Variants in MCU observed in about 807,000 individuals in gnomAD.
The protein encoded by MCU is calcium uniporter protein, mitochondrial.
A neutral mutation model predicts 45.2 loss-of-function variants in MCU; 12 were observed. The observed-to-expected ratio is 0.27, with a 90% CI of 0.17 to 0.43. The LOEUF (loss-of-function observed/expected upper bound fraction) is 0.43, where lower values mean the gene tolerates loss of function less well. Ranked by LOEUF, MCU falls within the 20% of genes least tolerant of loss-of-function variation. MCU has a pLI of 1.00. For synonymous variants in MCU, 160 were observed against 165.1 expected, an observed-to-expected ratio of 0.97 and a Z score of 0.24; for missense variants, 324 against 436.7, an observed-to-expected ratio of 0.74 and a Z score of 2.30.
intron 6 of MCU, among the ~76,000 whole-genome samples, chr10:72,880,428 C>G (rs1174673602): frequency 6.6e-6 from 1 of 150,500 alleles, no homozygotes; most frequent in East Asian, 2.0e-4. Flanking sequence ...TTTAAAGCTG[C>G]ACCTTAAAAT....
intron 1 of MCU, among the ~76,000 whole-genome samples, chr10:72,699,104 CTT>C (rs1338902881): frequency 6.6e-6 from 1 of 152,108 alleles, no homozygotes; most frequent in Non-Finnish European, 1.5e-5. Context: ...TGCCCGGACT[CTT>C]TATTCTTTGA....
intron 1 of MCU, among the ~76,000 whole-genome samples, chr10:72,722,184 G>C (rs1790314140): frequency 6.6e-6 from 1 of 151,894 alleles, no homozygotes; most frequent in African/African-American, 2.4e-5. Context: ...AGAAAAAGCT[G>C]TGGGCACTTA....
chr10:72,873,079 C>T (rs1418915369), intron 6 of MCU, among the ~76,000 whole-genome samples: 3 of 132,014 alleles, frequency 2.3e-5, no homozygotes, highest in African/African-American at 8.9e-5. Flanking sequence ...AGTACAATGG[C>T]ACGATCTCGG....
At chr10:72,841,561 G>A (rs984461273) in intron 2 of MCU, among the ~76,000 whole-genome samples, 2 of 152,160 alleles carry the variant, frequency 1.3e-5, no homozygotes, top group African/African-American at 2.4e-5. Flanking sequence ...GCCTCCCAAA[G>A]TTCTGGGATT....
At chr10:72,810,625 G>A (rs973918100) in intron 1 of MCU, among the ~76,000 whole-genome samples, 5 of 141,054 alleles carry the variant, frequency 3.5e-5, no homozygotes, top group East Asian at 1.9e-4. Flanking sequence ...CTGCCACCAC[G>A]CCCAGCTAGG....
chr10:72,739,697 AT>A lies in MCU; in HGVS notation c.150+47412del, dbSNP rs748921054. On this transcript the variant is annotated intron_variant, in intron 1 of 7. Transcript: ENST00000373053. ...AAGTTAGCCAATGAAGAACATTAAG[AT>A]TTTTTTTTTTTTTTTGAGACCAGGC... Among the ~76,000 whole-genome samples, 1,294 of 140,912 alleles carry A rather than the reference AT, an allele frequency of 9.2e-3. 5 individuals are homozygous for A. The highest frequency in any genetic ancestry group is 0.02 in the African/African-American group (751 of 38,142). The allele number at this position is 140,912 out of a possible 152,430, so 92.4% of individuals were successfully genotyped here.
chr10:72,787,401 T>C (rs1045649935), intron 1 of MCU, among the ~76,000 whole-genome samples: 1 of 152,114 alleles, frequency 6.6e-6, no homozygotes, highest in African/African-American at 2.4e-5. Context: ...CGAGAGTAGC[T>C]GGGATTACAG....
chr10:72,710,812 A>G (rs1039993356), intron 1 of MCU, among the ~76,000 whole-genome samples: 1 of 151,384 alleles, frequency 6.6e-6, no homozygotes, highest in Non-Finnish European at 1.5e-5. Context: ...TTACCATCCC[A>G]TGAGTGTGTT....
At chr10:72,884,115 C>T (rs1480871690) in intron 6 of MCU, 151 bp from the exon 7 acceptor site, 1 of 582,956 alleles carries the variant, frequency 1.7e-6, no homozygotes, top group African/African-American at 1.9e-5. Flanking sequence ...GTATGTTTCA[C>T]AGTAGAAATG....
chr10:72,828,235 A>G (rs891988824), intron 1 of MCU, among the ~76,000 whole-genome samples: 4 of 152,144 alleles, frequency 2.6e-5, no homozygotes, highest in Admixed American at 2.6e-4. Flanking sequence ...TGTAACAGGG[A>G]GATACAAGTG....
intron 1 of MCU, among the ~76,000 whole-genome samples, chr10:72,766,143 C>T (rs1263418829): frequency 1.3e-5 from 2 of 152,212 alleles, no homozygotes; most frequent in African/African-American, 4.8e-5. Flanking sequence ...GCTGGGATTG[C>T]AGGCGTGAGC....
chr10:72,846,051 AT>A (rs886734429), intron 2 of MCU, among the ~76,000 whole-genome samples: 84 of 148,438 alleles, frequency 5.7e-4, no homozygotes, highest in Admixed American at 3.0e-3. Flanking sequence ...GAAATAAACA[AT>A]TTTTTTTTTT....
At chr10:72,740,760 G>T (rs993025696) in intron 1 of MCU, among the ~76,000 whole-genome samples, 19 of 152,244 alleles carry the variant, frequency 1.2e-4, no homozygotes, top group African/African-American at 4.6e-4. Flanking sequence ...GGCAGCCAGT[G>T]TGCTGCTGTT....
At chr10:72,839,169 T>C (rs1475629347) in intron 2 of MCU, among the ~76,000 whole-genome samples, 1 of 152,052 alleles carries the variant, frequency 6.6e-6, no homozygotes, top group Admixed American at 6.5e-5. Context: ...TTTGTATTTT[T>C]AGTAGAGAGG....
intron 1 of MCU, among the ~76,000 whole-genome samples, chr10:72,825,323 TTCTC>T (rs1193830003): frequency 6.6e-6 from 1 of 152,192 alleles, no homozygotes; most frequent in Non-Finnish European, 1.5e-5. Context: ...TTTGCTTTAT[TTCTC>T]TCTACCTATG....
intron 1 of MCU, among the ~76,000 whole-genome samples, chr10:72,711,045 G>T (rs964109258): frequency 6.6e-6 from 1 of 151,870 alleles, no homozygotes; most frequent in Admixed American, 6.6e-5. Flanking sequence ...TGGGCATGGT[G>T]GTGGGCGCCT....
chr10:72,785,073 C>T (rs575893380), intron 1 of MCU, among the ~76,000 whole-genome samples: 161 of 152,290 alleles, frequency 1.1e-3, no homozygotes, highest in African/African-American at 3.7e-3. Flanking sequence ...CTCTTCCTGT[C>T]TCTAGATATT....
chr10:72,783,903 T>C (rs566957463), intron 1 of MCU, among the ~76,000 whole-genome samples: 2 of 152,362 alleles, frequency 1.3e-5, no homozygotes, highest in South Asian at 4.1e-4. Context: ...TTCTTGACTC[T>C]TTAGTTTCAA....
chr10:72,714,345 C>CTTTTTT lies in MCU; in HGVS notation c.150+22062_150+22067dup, dbSNP rs1160353409. ...TTACTTCAGTTCCCCCCGCCCTGGTCTTTTTTTTTTTTTTTTTTTTTTTAA... is the reference window on the plus strand; with the variant it reads ...TTACTTCAGTTCCCCCCGCCCTGGTCTTTTTTTTTTTTTTTTTTTTTTTTTTTTTAA... On this transcript the variant is annotated intron_variant, in intron 1 of 7. Transcript: ENST00000373053. Among the ~76,000 whole-genome samples the CTTTTTT allele has an allele frequency of 8.7e-3, 475 of 54,726 alleles. 77 individuals are homozygous for CTTTTTT. The highest frequency in any genetic ancestry group is 0.019 in the African/African-American group (297 of 15,500). 35.9% of individuals were successfully genotyped at this position (54,726 alleles called of 152,430 possible).
Sources: gnomAD v4.1 joint callset for allele counts (sites outside exome capture counted in the v4.1 genomes callset) on GRCh38, gnomAD v4.1.1 for gene constraint, MANE v1.5 for transcripts, NCBI Gene and HGNC (gene_info 2026-07-23, HGNC 2026-07-21) for gene names.